Variants in KCNMA1 observed in about 807,000 individuals in gnomAD.
KCNMA1 encodes the protein Calcium-activated potassium channel subunit alpha-1.
In KCNMA1, 29 loss-of-function variants were observed where a neutral mutation model predicts 140.0. The ratio of observed to expected loss-of-function variants is 0.21; its 90% CI spans 0.15 to 0.28. The LOEUF is 0.28. KCNMA1 is among the 10% of genes least tolerant of loss of function. The pLI is 1.00. For missense variants in KCNMA1, 880 were observed against 1,602.2 expected, an observed-to-expected ratio of 0.55 and a Z score of 7.70; for synonymous variants, 612 against 611.9, an observed-to-expected ratio of 1.00 and a Z score of 0.00.
intron 3 of KCNMA1, among the ~76,000 whole-genome samples, chr10:77,195,467 C>T (rs936237845): frequency 2.0e-5 from 3 of 152,126 alleles, no homozygotes; most frequent in Admixed American, 6.6e-5. Flanking sequence ...CTTATTAACC[C>T]CTATGATTAT....
chr10:77,529,919 C>A (rs575172940), intron 1 of KCNMA1, among the ~76,000 whole-genome samples: 1 of 152,196 alleles, frequency 6.6e-6, no homozygotes, highest in Non-Finnish European at 1.5e-5. Context: ...GCTCTCCCCA[C>A]CTCTTACCTC....
intron 23 of KCNMA1, among the ~76,000 whole-genome samples, chr10:76,935,920 A>ATT (rs2060439615): frequency 2.6e-5 from 4 of 152,226 alleles, no homozygotes; most frequent in Admixed American, 2.6e-4. Context: ...CATGGAGGGC[A>ATT]TAAAACCCTC....
chr10:76,953,846 C>T lies in KCNMA1; in HGVS notation c.2439G>A (p.Gly813=). Residue 813 remains glycine, a synonymous_variant, in exon 21 of 28, where the codon GGG becomes GGA. Transcript: ENST00000286628. ...DSNVKKYDST[G]MFHWCAPKEI... is the part of the protein sequence containing the mutation. ...CCTTGGGTGCACACCAGTGAAACAT[C>T]CCAGTAGAGTCGTACTTCTTCACAT... The T allele has an allele frequency of 1.9e-6, 3 of 1,614,020 alleles. No individual in the cohort carries two copies. Among genetic ancestry groups the T allele is most frequent in the Non-Finnish European group, 2.5e-6 (3 of 1,179,938 alleles).
chr10:77,285,052 G>A (rs1034854758), intron 2 of KCNMA1, among the ~76,000 whole-genome samples: 2 of 152,148 alleles, frequency 1.3e-5, no homozygotes. Context: ...AGCATTAACA[G>A]TTTGTAAAAT....
chr10:77,424,667 G>C (rs142424652), intron 1 of KCNMA1, among the ~76,000 whole-genome samples: 65 of 152,272 alleles, frequency 4.3e-4, no homozygotes, highest in African/African-American at 1.3e-3. Flanking sequence ...ACTAAATCAA[G>C]GTAGAATATG....
intron 1 of KCNMA1, among the ~76,000 whole-genome samples, chr10:77,523,321 A>C (rs113107052): frequency 1.1e-3 from 169 of 152,276 alleles, no homozygotes; most frequent in African/African-American, 3.9e-3. Context: ...TTTTTTAAAA[A>C]TATGTATAGT....
At chr10:77,433,913 TA>T (rs2097202424) in intron 1 of KCNMA1, 1 of 152,244 alleles carries the variant, frequency 6.6e-6, no homozygotes, top group South Asian at 2.1e-4. Context: ...CATAATATCC[TA>T]ATGGTCCCGA....
chr10:77,594,801 T>C (rs1259451758), intron 1 of KCNMA1, among the ~76,000 whole-genome samples: 1 of 152,064 alleles, frequency 6.6e-6, no homozygotes, highest in Non-Finnish European at 1.5e-5. Flanking sequence ...GTGGGCAGAG[T>C]ATCTGCTCTA....
At chr10:76,957,206 T>C (rs1314003146) in intron 20 of KCNMA1, among the ~76,000 whole-genome samples, 1 of 150,662 alleles carries the variant, frequency 6.6e-6, no homozygotes, top group Non-Finnish European at 1.5e-5. Flanking sequence ...CATGTTGCAG[T>C]GTTGATCCAC....
At chr10:77,365,041 T>C (rs1171922780) in intron 2 of KCNMA1, among the ~76,000 whole-genome samples, 1 of 152,222 alleles carries the variant, frequency 6.6e-6, no homozygotes, top group East Asian at 1.9e-4. Flanking sequence ...TTCTGTAGCA[T>C]TTTAATGAAG....
intron 1 of KCNMA1, among the ~76,000 whole-genome samples, chr10:77,585,017 C>G (rs1403783802): frequency 6.6e-6 from 1 of 152,226 alleles, no homozygotes; most frequent in African/African-American, 2.4e-5. Context: ...CCAGAACAAC[C>G]TCCCTACCCT....
intron 1 of KCNMA1, among the ~76,000 whole-genome samples, chr10:77,504,823 T>C (rs1210761398): frequency 6.6e-6 from 1 of 152,324 alleles, no homozygotes; most frequent in East Asian, 1.9e-4. Flanking sequence ...ATTTTATTCC[T>C]CCTCATGACA....
chr10:77,350,466 T>G (rs944735649), intron 2 of KCNMA1: 2 of 152,114 alleles, frequency 1.3e-5, no homozygotes, highest in African/African-American at 4.8e-5. Flanking sequence ...GAGTTCAGAA[T>G]AGGCTAAAAA....
At chr10:77,377,712 C>T (rs963619942) in intron 2 of KCNMA1, among the ~76,000 whole-genome samples, 1 of 152,168 alleles carries the variant, frequency 6.6e-6, no homozygotes. Flanking sequence ...AAAGCCACTG[C>T]CTCAGGAGAT....
At chr10:76,900,256 G>GA (rs35815612) in intron 25 of KCNMA1, among the ~76,000 whole-genome samples, 97,273 of 151,654 alleles carry the variant, frequency 0.64, 31,730 homozygotes, top group African/African-American at 0.71. Flanking sequence ...AAAGTTATCA[G>GA]AAAATGATAT....
chr10:77,548,214 C>T (rs992440793), intron 1 of KCNMA1, among the ~76,000 whole-genome samples: 3 of 152,160 alleles, frequency 2.0e-5, no homozygotes, highest in African/African-American at 7.2e-5. Context: ...GGTACAAATG[C>T]CTCAGGTGAC....
intron 5 of KCNMA1, among the ~76,000 whole-genome samples, chr10:77,181,068 G>C (rs192882187): frequency 6.8e-4 from 104 of 152,302 alleles, no homozygotes; most frequent in Admixed American, 1.9e-3. Context: ...TCACTGCAGA[G>C]GAGGATGTCT....
At chr10:77,466,400 A>G (rs1446255413) in intron 1 of KCNMA1, among the ~76,000 whole-genome samples, 1 of 152,206 alleles carries the variant, frequency 6.6e-6, no homozygotes. Context: ...GGATGGTTAG[A>G]GAGCCCAAAC....
At chr10:77,169,995 A>G (rs1188769373) in intron 5 of KCNMA1, among the ~76,000 whole-genome samples, 6 of 152,194 alleles carry the variant, frequency 3.9e-5, no homozygotes, top group Admixed American at 6.5e-5. Context: ...GTTCAAGACC[A>G]GCCTGTCCAA....
Sources: gnomAD v4.1 joint callset for allele counts (sites outside exome capture counted in the v4.1 genomes callset) on GRCh38, gnomAD v4.1.1 for gene constraint, MANE v1.5 for transcripts, NCBI Gene and HGNC (gene_info 2026-07-23, HGNC 2026-07-21) for gene names.